Variants in ALDH1A3 observed in about 807,000 individuals in gnomAD.
ALDH1A3 encodes aldehyde dehydrogenase 1 family member A3.
A neutral mutation model predicts 57.5 loss-of-function variants in ALDH1A3; 28 were observed. The observed-to-expected ratio is 0.49, with a 90% CI of 0.36 to 0.67. The LOEUF is 0.67. Ranked by LOEUF, ALDH1A3 falls within the 30% of genes least tolerant of loss-of-function variation. The pLI, the probability that ALDH1A3 is intolerant of heterozygous loss-of-function variation, is 0.00. For synonymous variants in ALDH1A3, 281 were observed against 264.8 expected (o/e 1.06, Z -0.59); for missense variants, 507 against 669.4 (o/e 0.76, Z 2.68).
Position 100,894,055 on chromosome 15 carries a change from C to G in ALDH1A3, c.639C>G (p.Ala213=), listed in dbSNP as rs1567170065. 6.2e-7 allele frequency: 1 copy of G among 1,614,144 alleles called. No homozygotes were observed. The highest frequency in any genetic ancestry group is 8.5e-7 in the Non-Finnish European group (1 of 1,180,014). The change falls in exon 6 of 13, where the codon GCC becomes GCG. Residue 213 remains alanine (A), a synonymous_variant. Coordinates refer to ENST00000329841, the MANE Select transcript of ALDH1A3 (RefSeq NM_000693.4). This position sits in a 1 kb window ranked among gnomAD's most constrained non-coding sequence, Gnocchi z 4.5. Reference sequence around the variant, plus strand: ...CTGCGGAGCAGACACCTCTCACCGCCCTTTATCTCGGCTCTCTGATCAAAG... The same window carrying G: ...CTGCGGAGCAGACACCTCTCACCGCGCTTTATCTCGGCTCTCTGATCAAAG... ...LKPAEQTPLT[A]LYLGSLIKEA... is the part of the protein sequence containing the mutation.
intron 9 of ALDH1A3, among the ~76,000 whole-genome samples, chr15:100,903,547 A>T (rs1246536988): frequency 2.0e-5 from 3 of 152,220 alleles, no homozygotes; most frequent in Admixed American, 1.3e-4. Flanking sequence ...AGCTTTCCCA[A>T]AGTGGGTTGC....
chr15:100,911,357 T>A (rs1025160165), intron 12 of ALDH1A3, among the ~76,000 whole-genome samples: 2 of 152,196 alleles, frequency 1.3e-5, no homozygotes, highest in Non-Finnish European at 2.9e-5. Flanking sequence ...GAGCCTGAAA[T>A]TCCTCTTCCT....
At chr15:100,902,725 T>C (rs2041782253) in intron 9 of ALDH1A3, among the ~76,000 whole-genome samples, 2 of 152,252 alleles carry the variant, frequency 1.3e-5, no homozygotes, top group African/African-American at 4.8e-5. Flanking sequence ...GGCAGGTCTC[T>C]CTTCCTGTAC....
At chr15:100,897,563 G>T (rs2041718404) in intron 7 of ALDH1A3, among the ~76,000 whole-genome samples, 1 of 151,768 alleles carries the variant, frequency 6.6e-6, no homozygotes, top group Non-Finnish European at 1.5e-5. Context: ...CAGAGAATCG[G>T]CTCCTTCTCA....
chr15:100,914,372 C>T (rs537490965), intron 12 of ALDH1A3: 8 of 188,512 alleles, frequency 4.2e-5, no homozygotes, highest in Admixed American at 1.7e-4. Context: ...CAGGCTCTCT[C>T]GTTTTGCTCT....
At chr15:100,892,216 G>C in intron 3 of ALDH1A3, 1 of 366,072 alleles carries the variant, frequency 2.7e-6, no homozygotes, top group Admixed American at 5.2e-5. Context: ...TCCCAGCACA[G>C]CTTTAAATCC....
chr15:100,914,981 C>A lies in ALDH1A3; in HGVS notation c.*208C>A. ...TGCCTATAGGTTGTCTGTGAAATCG[C>A]AGTCCTGCCTGGGGAGGGAGCTGTT... On this transcript the variant is annotated 3_prime_UTR_variant, in exon 13 of 13. Transcript: ENST00000329841. 1 of 571,552 alleles carries A rather than the reference C, an allele frequency of 1.7e-6. No homozygotes were observed. Among genetic ancestry groups the A allele is most frequent in the Non-Finnish European group, 3.1e-6 (1 of 321,014 alleles). The allele number at this position is 571,552 out of a possible 1,614,324, so 35.4% of individuals were successfully genotyped here.
At chr15:100,892,459 G>A (rs2141554758) in intron 3 of ALDH1A3, 51 bp from the exon 4 acceptor site, 1 of 1,609,802 alleles carries the variant, frequency 6.2e-7, no homozygotes, top group Admixed American at 1.7e-5. Context: ...ACCTGACAGT[G>A]CAAAAGAAAA....
intron 8 of ALDH1A3, among the ~76,000 whole-genome samples, chr15:100,899,614 A>C (rs56063524): frequency 0.3 from 46,226 of 151,914 alleles, 8,420 homozygotes; most frequent in South Asian, 0.51. Context: ...TAGCTCCGTC[A>C]GGAGCAGGAA....
intron 1 of ALDH1A3, among the ~76,000 whole-genome samples, chr15:100,884,176 G>T (rs913131066): frequency 1.3e-5 from 2 of 152,170 alleles, no homozygotes; most frequent in East Asian, 1.9e-4. Flanking sequence ...GTGTCTTCTG[G>T]CTGGGCAGCC....
At chr15:100,895,560 G>A (rs1033348971) in intron 6 of ALDH1A3, 3 of 232,698 alleles carry the variant, frequency 1.3e-5, no homozygotes, top group African/African-American at 2.2e-5. Flanking sequence ...TCCCCTTAAC[G>A]CATACACACA....
intron 12 of ALDH1A3, 42 bp downstream of exon 12, chr15:100,908,524 C>G (rs772146905): frequency 2.0e-6 from 3 of 1,518,554 alleles, no homozygotes; most frequent in Admixed American, 3.4e-5. Flanking sequence ...GGGCTGAACA[C>G]TAGATCCACT....
In ALDH1A3 at chr15:100,896,036, G is replaced by A; in HGVS notation, c.770G>A (p.Gly257Asp). ...CAGATCAACAAGATCGCCTTCACCGGCTCCACAGAGGTAACCCTCCTCACA... is the reference window on the plus strand; with the variant it reads ...CAGATCAACAAGATCGCCTTCACCGACTCCACAGAGGTAACCCTCCTCACA... ...HPQINKIAFT[G>D]STEVGKLVKE... The change falls in exon 7 of 13, where the codon GGC (glycine) becomes GAC (aspartate). Residue 257 changes from glycine to aspartate, a missense_variant. Around this residue, in one of 2 missense-constraint regions of ALDH1A3, gnomAD observed 432 missense variants for 608.4 expected, o/e 0.71. Coordinates refer to ENST00000329841, the MANE Select transcript of ALDH1A3 (RefSeq NM_000693.4). 1 of 1,608,974 alleles carries A rather than the reference G, an allele frequency of 6.2e-7. No individual in the cohort carries two copies.
chr15:100,892,033 G>C (rs2041655137), intron 3 of ALDH1A3: 1 of 163,742 alleles, frequency 6.1e-6, no homozygotes, highest in African/African-American at 2.4e-5. Flanking sequence ...CGAGAAGGAA[G>C]AGCCTACATC....
chr15:100,882,471 G>A (rs2041555587), intron 1 of ALDH1A3, among the ~76,000 whole-genome samples: 1 of 152,114 alleles, frequency 6.6e-6, no homozygotes, highest in Admixed American at 6.5e-5. Context: ...TCTCTCTTAT[G>A]AAAAATAAAA....
intron 6 of ALDH1A3, 58 bp from the exon 7 acceptor site, chr15:100,895,875 T>C: frequency 1.4e-6 from 2 of 1,443,538 alleles, no homozygotes; most frequent in Non-Finnish European, 1.9e-6. Flanking sequence ...GGCCCAAATG[T>C]GGATCCGTGG....
chr15:100,906,259 C>T lies in ALDH1A3; in HGVS notation c.1233+572C>T, dbSNP rs142041918. Among the ~76,000 whole-genome samples, 125 of 152,346 alleles carry T rather than the reference C, an allele frequency of 8.2e-4. No homozygotes were observed. The highest frequency in any genetic ancestry group is 2.9e-3 in the African/African-American group (119 of 41,584). On this transcript the variant is annotated intron_variant, in intron 10 of 12. Coordinates refer to ENST00000329841, the MANE Select transcript of ALDH1A3 (RefSeq NM_000693.4). This position sits in a 1 kb window ranked among gnomAD's most constrained non-coding sequence, Gnocchi z 4.8. ...TGTAAATCTTTCTCTTTCAACTCCA[C>T]TGTTACACTAGACGGGAACTGGTTC...
At chr15:100,891,599 G>A (rs973648250) in intron 3 of ALDH1A3, among the ~76,000 whole-genome samples, 5 of 152,354 alleles carry the variant, frequency 3.3e-5, no homozygotes, top group African/African-American at 7.2e-5. Flanking sequence ...GTGAGACATC[G>A]GGGAGTGCGC....
At position 100,892,525 on chromosome 15, in the gene ALDH1A3, G is replaced by A. The variant is rs775873830; in HGVS notation, c.361G>A (p.Asp121Asn). Residue 121 changes from aspartate (D) to asparagine (N), a missense_variant, in exon 4 of 13, where the codon GAT (aspartate) becomes AAT (asparagine). This residue lies in a region of ALDH1A3 where 432 missense variants were observed against 608.4 expected (regional missense o/e 0.71). Transcript: ENST00000329841. ...RATLAALETMDTGKPFLHAFF... is the reference protein window; with the variant it reads ...RATLAALETMNTGKPFLHAFF... ...GTTATTGCAGGCCCTGGAGACGATG[G>A]ATACAGGGAAGCCATTTCTTCATGC... is the stretch of plus-strand genomic sequence containing the variant. 6.2e-7 allele frequency: 1 copy of A among 1,612,604 alleles called. No individual in the cohort carries two copies. The highest frequency in any genetic ancestry group is 1.7e-5 in the Admixed American group (1 of 59,480).
Sources: gnomAD v4.1 joint callset for allele counts (sites outside exome capture counted in the v4.1 genomes callset) on GRCh38, gnomAD v4.1.1 for gene constraint, gnomAD v4.1.1 regional missense constraint, Gnocchi (gnomAD v3.1) non-coding constraint, MANE v1.5 for transcripts, NCBI Gene and HGNC (gene_info 2026-07-23, HGNC 2026-07-21) for gene names.